CFAP97: variants seen among roughly 807,000 people sequenced by gnomAD.
CFAP97 encodes the protein cilia and flagella associated protein 97.
CFAP97 carries 36 observed loss-of-function variants against 43.1 expected under a neutral mutation model. The ratio of observed to expected loss-of-function variants is 0.84; its 90% CI spans 0.64 to 1.10. CFAP97 has a LOEUF of 1.10. Ranked by LOEUF, CFAP97 falls within the 50% of genes least tolerant of loss-of-function variation. The pLI is 0.00. For synonymous variants in CFAP97, 228 were observed against 225.7 expected (o/e 1.01, Z -0.09); for missense variants, 657 against 620.3 (o/e 1.06, Z -0.63).
rs900951652 is a variant in CFAP97 at position 185,160,892 on chromosome 4, A to G, written c.*1906T>C. 1.4e-5 allele frequency: 2 copies of G among 146,924 alleles called. No individual in the cohort carries two copies. The highest frequency in any genetic ancestry group is 2.5e-5 in the African/African-American group (1 of 40,768). 9.1% of individuals were successfully genotyped at this position (146,924 alleles called of 1,614,324 possible). On this transcript the variant is annotated 3_prime_UTR_variant, in exon 5 of 5. Coordinates refer to ENST00000458385, the MANE Select transcript of CFAP97 (RefSeq NM_020827.3). The stretch of plus-strand genomic sequence containing the variant: ...AAGATTTTTAAAATAAAATTTATAA[A>G]AAAGATTTTTTATATATATAAAAAG...
chr4:185,185,689 T>C (rs1038464852), intron 2 of CFAP97, among the ~76,000 whole-genome samples: 3 of 141,676 alleles, frequency 2.1e-5, no homozygotes, highest in Non-Finnish European at 3.0e-5. Context: ...TAGGTTGGAA[T>C]GGAGTGGCGT....
intron 2 of CFAP97, 32 bp from the exon 3 acceptor site, chr4:185,176,083 T>C: frequency 1.3e-6 from 2 of 1,509,088 alleles, no homozygotes; most frequent in Non-Finnish European, 8.8e-7. Context: ...AAAGAGAAAA[T>C]GGCCAAAGTA....
rs986094071 is a variant in CFAP97, at chr4:185,201,445, T to G, written c.-17+2453A>C. Among the ~76,000 whole-genome samples the G allele has an allele frequency of 2.0e-5, 3 of 152,300 alleles. No individual in the cohort carries two copies. In the South Asian group the frequency reaches 6.2e-4, roughly 32 times the overall value. On this transcript the variant is annotated intron_variant, in intron 1 of 4. Transcript: ENST00000458385. ...AAGCAAAGTTAATCATTGTCTTATT[T>G]TAAGAAATTGCCACAGCCATCCCAA...
intron 2 of CFAP97, among the ~76,000 whole-genome samples, chr4:185,185,855 G>A (rs926812058): frequency 4.6e-5 from 7 of 151,878 alleles, no homozygotes. Flanking sequence ...GCCCAGGCTG[G>A]TCTCAAACTC....
At chr4:185,185,301 G>C (rs946967987) in intron 2 of CFAP97, among the ~76,000 whole-genome samples, 1 of 151,700 alleles carries the variant, frequency 6.6e-6, no homozygotes, top group African/African-American at 2.4e-5. Flanking sequence ...TGATGCACAA[G>C]AAAAAAGGCA....
intron 1 of CFAP97, among the ~76,000 whole-genome samples, chr4:185,198,745 C>T (rs369077596): frequency 7.4e-6 from 1 of 135,430 alleles, no homozygotes. Flanking sequence ...GCCGAGATCG[C>T]GTCATTGCAC....
At chr4:185,202,067 C>T (rs1354624098) in intron 1 of CFAP97, among the ~76,000 whole-genome samples, 1 of 152,194 alleles carries the variant, frequency 6.6e-6, no homozygotes, top group African/African-American at 2.4e-5. Context: ...TGTCTCCTTG[C>T]CAGACTGGGA....
In CFAP97 at chr4:185,162,566, T is replaced by C; in HGVS notation, c.*232A>G. On this transcript the variant is annotated 3_prime_UTR_variant, in exon 5 of 5. Coordinates refer to ENST00000458385, the MANE Select transcript of CFAP97 (RefSeq NM_020827.3). Reference sequence around the variant, plus strand: ...AGAAGATACACATGCATACCACTATTTCTCTATTAAGAACACATACATCTC... The same window carrying C: ...AGAAGATACACATGCATACCACTATCTCTCTATTAAGAACACATACATCTC... The C allele has an allele frequency of 2.0e-6, 1 of 493,106 alleles. No homozygotes were observed. Among genetic ancestry groups the C allele is most frequent in the Non-Finnish European group, 3.6e-6 (1 of 276,920 alleles). The allele number at this position is 493,106 out of a possible 1,614,324, so 30.5% of individuals were successfully genotyped here. A position where few individuals can be genotyped will look rare whatever the true frequency, so the allele number is the denominator to read the frequency against.
intron 2 of CFAP97, among the ~76,000 whole-genome samples, chr4:185,186,943 GGA>G (rs1436108386): frequency 2.0e-5 from 3 of 152,194 alleles, no homozygotes; most frequent in African/African-American, 4.8e-5. Context: ...CAGAAGAGCA[GGA>G]GAGAGCTGCA....
chr4:185,188,891 A>G lies in CFAP97; in HGVS notation c.1054+1252T>C, dbSNP rs528398542. ...AGACTCTAAACAATCAATAGGTACA[A>G]TCAGAGAAAGGGAGAAAAATCAATA... On this transcript the variant is annotated intron_variant, in intron 2 of 4. Coordinates refer to ENST00000458385, the MANE Select transcript of CFAP97 (RefSeq NM_020827.3). Among the ~76,000 whole-genome samples the G allele has an allele frequency of 6.6e-5, 10 of 152,154 alleles. 1 individual carries two copies. In the South Asian group the frequency reaches 2.1e-3, roughly 32 times the overall value.
chr4:185,193,612 C>G (rs1428886593), intron 1 of CFAP97, among the ~76,000 whole-genome samples: 2 of 152,190 alleles, frequency 1.3e-5, no homozygotes, highest in African/African-American at 2.4e-5. Context: ...CGCCATTGTA[C>G]CACTCCAGCC....
upstream of CFAP97, chr4:185,204,227 G>T (rs1331986583): frequency 1.6e-4 from 24 of 152,406 alleles, no homozygotes. Context: ...GCGCCCTAGA[G>T]GCGTTACTGC....
At chr4:185,192,932 G>A (rs1324219765) in intron 1 of CFAP97, among the ~76,000 whole-genome samples, 2 of 151,872 alleles carry the variant, frequency 1.3e-5, no homozygotes, top group African/African-American at 4.8e-5. Context: ...AGTAGAGACG[G>A]GGTTTCACCG....
intron 1 of CFAP97, among the ~76,000 whole-genome samples, chr4:185,198,697 G>A (rs563724174): frequency 6.6e-6 from 1 of 151,542 alleles, no homozygotes; most frequent in East Asian, 2.0e-4. Context: ...GCTGAGGCAG[G>A]AGAATCACTT....
At chr4:185,195,787 A>G (rs1172960834) in intron 1 of CFAP97, among the ~76,000 whole-genome samples, 8 of 152,206 alleles carry the variant, frequency 5.3e-5, no homozygotes, top group African/African-American at 1.9e-4. Flanking sequence ...AAACAAACTA[A>G]AATAGCCACT....
chr4:185,189,211 T>C (rs1180107575), intron 2 of CFAP97, among the ~76,000 whole-genome samples: 1 of 152,184 alleles, frequency 6.6e-6, no homozygotes, highest in African/African-American at 2.4e-5. Flanking sequence ...CACTCCAGCC[T>C]GGATGACAGA....
intron 1 of CFAP97, among the ~76,000 whole-genome samples, chr4:185,202,025 G>C (rs1440895510): frequency 8.0e-6 from 1 of 125,190 alleles, no homozygotes. Context: ...AAAGGAAAAA[G>C]GATTTTTGTT....
rs774406345 is a variant in CFAP97 at position 185,175,841 on chromosome 4, T to C, written c.1265A>G (p.Tyr422Cys). 2 of 1,613,868 alleles carry C rather than the reference T, an allele frequency of 1.2e-6. No homozygotes were observed. The highest frequency in any genetic ancestry group is 1.3e-5 in the African/African-American group (1 of 74,932). Reference sequence around the variant, plus strand: ...CTTCTGTCTGTTGAGAGCACTGTGATATAACTTTGGGGGATGATCAGCCGA... The same window carrying C: ...CTTCTGTCTGTTGAGAGCACTGTGACATAACTTTGGGGGATGATCAGCCGA... ...PRSADHPPKL[Y>C]HSALNRQKEQ... The change falls in exon 3 of 5, where the codon TAT (tyrosine) becomes TGT (cysteine). Residue 422 changes from tyrosine (Y) to cysteine (C), a missense_variant. By Grantham distance (194) the Tyr-to-Cys change is radical. Coordinates refer to ENST00000458385, the MANE Select transcript of CFAP97 (RefSeq NM_020827.3).
chr4:185,202,217 C>G lies in CFAP97; in HGVS notation c.-17+1681G>C, dbSNP rs552777992. On this transcript the variant is annotated intron_variant, in intron 1 of 4. Transcript: ENST00000458385. ...ATTGAGCCATGCTCTTTGCTACCCA[C>G]GAGGGTAGAAAAATCGCCTTGTATG... Among the ~76,000 whole-genome samples the G allele has an allele frequency of 3.5e-4, 53 of 152,244 alleles. 1 individual carries two copies. In the South Asian group the frequency reaches 0.01, roughly 29 times the overall value.
Sources: gnomAD v4.1 joint callset for allele counts (sites outside exome capture counted in the v4.1 genomes callset) on GRCh38, gnomAD v4.1.1 for gene constraint, MANE v1.5 for transcripts, NCBI Gene and HGNC (gene_info 2026-07-23, HGNC 2026-07-21) for gene names.